Variants in AMBP observed in about 807,000 individuals in gnomAD.
AMBP encodes the protein protein AMBP.
In AMBP, 37 loss-of-function variants were observed where a neutral mutation model predicts 46.3. The observed-to-expected ratio is 0.80, with a 90% CI of 0.61 to 1.05. The LOEUF (loss-of-function observed/expected upper bound fraction) is 1.05. AMBP is among the 50% of genes least tolerant of loss of function. AMBP has a pLI of 0.00. For synonymous variants in AMBP, 174 were observed against 175.9 expected (o/e 0.99, Z 0.09); for missense variants, 475 against 461.2 (o/e 1.03, Z -0.27).
At chr9:114,060,518 G>A (rs1047848733) in intron 9 of AMBP, among the ~76,000 whole-genome samples, 3 of 152,106 alleles carry the variant, frequency 2.0e-5, no homozygotes, top group African/African-American at 7.2e-5. Context: ...TGTTACCATT[G>A]TATCGTTGTC....
intron 5 of AMBP, among the ~76,000 whole-genome samples, chr9:114,070,828 C>A (rs1487109633): frequency 6.6e-6 from 1 of 151,990 alleles, no homozygotes; most frequent in Non-Finnish European, 1.5e-5. Context: ...CCAGGGTCCA[C>A]CCCACATTGG....
rs181797909 is a variant in AMBP, at chr9:114,076,788, A to G, written c.118-48T>C. On this transcript the variant is annotated intron_variant, in intron 1 of 9. Transcript: ENST00000265132. ...GGGTCTGCATCAGTCTCAGACCTCAAAGCAGACCTGGCTGACATCTGCTCC... is the reference window on the plus strand; with the variant it reads ...GGGTCTGCATCAGTCTCAGACCTCAGAGCAGACCTGGCTGACATCTGCTCC... 1.2e-3 allele frequency: 1,838 copies of G among 1,595,626 alleles called. 6 individuals are homozygous for G. Among genetic ancestry groups the G allele is most frequent in the Middle Eastern group, 3.7e-3 (22 of 5,954 alleles).
chr9:114,064,613 C>A (rs550307559), intron 6 of AMBP, among the ~76,000 whole-genome samples: 1 of 151,830 alleles, frequency 6.6e-6, no homozygotes, highest in Non-Finnish European at 1.5e-5. Context: ...ATTAAAAGAG[C>A]AGATTGAAAC....
At chr9:114,076,519 C>A in intron 2 of AMBP, 79 bp downstream of exon 2, 1 of 1,558,126 alleles carries the variant, frequency 6.4e-7, no homozygotes, top group East Asian at 2.3e-5. Context: ...AGATCTGCAA[C>A]TTCCCAGGAT....
At chr9:114,072,583 A>T (rs969137216) in intron 5 of AMBP, among the ~76,000 whole-genome samples, 3 of 152,218 alleles carry the variant, frequency 2.0e-5, no homozygotes, top group African/African-American at 7.2e-5. Flanking sequence ...CAGCCAGAAA[A>T]GCAATGCCCC....
chr9:114,065,199 C>T (rs1846681644), intron 6 of AMBP, among the ~76,000 whole-genome samples: 1 of 152,172 alleles, frequency 6.6e-6, no homozygotes, highest in Non-Finnish European at 1.5e-5. Context: ...TCCTAACCCC[C>T]CAGAACCTCA....
intron 2 of AMBP, among the ~76,000 whole-genome samples, chr9:114,075,575 A>G (rs1340242737): frequency 6.6e-6 from 1 of 152,236 alleles, no homozygotes; most frequent in Non-Finnish European, 1.5e-5. Flanking sequence ...ATTGGGCAGC[A>G]CCTATGTGGC....
At chr9:114,063,643 A>C (rs1846663833) in intron 6 of AMBP, among the ~76,000 whole-genome samples, 1 of 152,236 alleles carries the variant, frequency 6.6e-6, no homozygotes, top group Non-Finnish European at 1.5e-5. Flanking sequence ...GGTTGATGGC[A>C]GTAAGAAACA....
chr9:114,060,165 G>T lies in AMBP; in HGVS notation c.*74C>A. On this transcript the variant is annotated 3_prime_UTR_variant, in exon 10 of 10. Coordinates refer to ENST00000265132, the MANE Select transcript of AMBP (RefSeq NM_001633.4). ...CAATTTAGTTTTTATTTGGACCCAG[G>T]TTGCTTGGCGCTGCCTGCCACAGGA... is the stretch of plus-strand genomic sequence containing the variant. 6.6e-7 allele frequency: 1 copy of T among 1,504,678 alleles called. No individual in the cohort carries two copies. Among genetic ancestry groups the T allele is most frequent in the Non-Finnish European group, 9.1e-7 (1 of 1,103,400 alleles). 93.2% of individuals were successfully genotyped at this position (1,504,678 alleles called of 1,614,324 possible).
Position 114,075,043 on chromosome 9 carries a change from A to G in AMBP, c.261-7T>C, listed in dbSNP as rs1846791051. 6.2e-7 allele frequency: 1 copy of G among 1,613,526 alleles called. No individual in the cohort carries two copies. The highest frequency in any genetic ancestry group is 8.5e-7 in the Non-Finnish European group (1 of 1,179,482). ...CTCCTCACAGACACCTTTCCTAGAA[A>G]TGAACAAATCAAAAGGAAGGTCACT... On this transcript the variant is annotated splice_region_variant and splice_polypyrimidine_tract_variant and intron_variant, in intron 2 of 9. Transcript: ENST00000265132.
intron 6 of AMBP, among the ~76,000 whole-genome samples, chr9:114,063,439 A>G (rs1846662261): frequency 6.6e-6 from 1 of 152,168 alleles, no homozygotes; most frequent in South Asian, 2.1e-4. Context: ...GCAACAAAAC[A>G]CTGTGAAAAC....
intron 5 of AMBP, among the ~76,000 whole-genome samples, chr9:114,072,056 A>G (rs1846750661): frequency 6.6e-6 from 1 of 152,180 alleles, no homozygotes; most frequent in Non-Finnish European, 1.5e-5. Context: ...AGAACTTGGG[A>G]CCCACAAAAT....
At chr9:114,077,521 A>T (rs1376101628) in intron 1 of AMBP, 1 of 154,286 alleles carries the variant, frequency 6.5e-6, no homozygotes, top group Non-Finnish European at 1.4e-5. Flanking sequence ...GTCCTGCCCC[A>T]GTCCAGGTCT....
chr9:114,061,384 TGAG>T lies in AMBP; in HGVS notation c.853+37_853+39del, dbSNP rs1269481499. On this transcript the variant is annotated intron_variant, in intron 8 of 9. Transcript: ENST00000265132. Reference sequence around the variant, plus strand: ...GTGGTTTACTGGAGGGACAGGGTCTTGAGGGTGCAGAGCGCACAGGGGTGGGGA... The same window carrying T: ...GTGGTTTACTGGAGGGACAGGGTCTTGGTGCAGAGCGCACAGGGGTGGGGA... The T allele has an allele frequency of 3.1e-6, 5 of 1,612,846 alleles. No individual in the cohort carries two copies. In the South Asian group the frequency reaches 3.3e-5, roughly 11 times the overall value.
rs200238441 is a variant in AMBP at position 114,078,135 on chromosome 9, C to T, written c.75G>A (p.Pro25=). The T allele has an allele frequency of 2.2e-4, 356 of 1,613,844 alleles. 2 individuals carry two copies. In the South Asian group the frequency reaches 2.4e-3, roughly 11 times the overall value. ...TTTCCTGCACTTGGATGTTGTCGGG[C>T]GGCGTTGGCACAGGGCCAGCGCTCA... The part of the protein sequence containing the change: ...LAVSAGPVPT[P]PDNIQVQENF... The change falls in exon 1 of 10, where the codon CCG becomes CCA. Residue 25 remains proline, a synonymous_variant. Coordinates refer to ENST00000265132, the MANE Select transcript of AMBP (RefSeq NM_001633.4).
chr9:114,076,474 C>G, intron 2 of AMBP, 124 bp downstream of exon 2: 2 of 1,394,428 alleles, frequency 1.4e-6, no homozygotes, highest in Non-Finnish European at 1.9e-6. Flanking sequence ...GTAGAGGGAT[C>G]TGGGGTTCAG....
intron 6 of AMBP, among the ~76,000 whole-genome samples, chr9:114,067,009 C>T (rs1339655093): frequency 6.6e-6 from 1 of 152,002 alleles, no homozygotes; most frequent in Non-Finnish European, 1.5e-5. Flanking sequence ...GGCGCGATCA[C>T]GGCTCACTGC....
At chr9:114,076,406 G>A (rs1846807515) in intron 2 of AMBP, among the ~76,000 whole-genome samples, 192 bp downstream of exon 2, 1 of 152,096 alleles carries the variant, frequency 6.6e-6, no homozygotes, top group Non-Finnish European at 1.5e-5. Context: ...ACAGTGCTGG[G>A]ACACTGCCCT....
In AMBP at chr9:114,078,068, C is replaced by G. The variant is rs757701306; in HGVS notation, c.117+25G>C. ...TGGACTCCCCATCACCACATCCACCCTACCACAGAGAGCGGCAGCCTTACC... is the reference window on the plus strand; with the variant it reads ...TGGACTCCCCATCACCACATCCACCGTACCACAGAGAGCGGCAGCCTTACC... On this transcript the variant is annotated intron_variant, in intron 1 of 9. Coordinates refer to ENST00000265132, the MANE Select transcript of AMBP (RefSeq NM_001633.4). The G allele has an allele frequency of 2.5e-6, 4 of 1,612,992 alleles. No individual in the cohort carries two copies. In the African/African-American group the frequency reaches 5.3e-5, roughly 22 times the overall value.
Sources: allele counts gnomAD v4.1 joint callset (sites outside exome capture counted in the v4.1 genomes callset), GRCh38; gene constraint gnomAD v4.1.1; transcripts MANE v1.5; gene names NCBI Gene and HGNC (gene_info 2026-07-23, HGNC 2026-07-21).